The following PITPNM3 variants were observed in gnomAD, a reference collection of about 807,000 sequenced individuals.
PITPNM3 encodes PITPNM family member 3, also known as membrane-associated phosphatidylinositol transfer protein 3.
Under a neutral mutation model 102.0 loss-of-function variants are expected in PITPNM3, and 26 were observed. The observed-to-expected ratio is 0.25, with a 90% CI of 0.19 to 0.35. PITPNM3 has a LOEUF of 0.35. Among genes scored for constraint, PITPNM3 ranks in the 10% least tolerant of loss-of-function variants. The pLI is 1.00. For synonymous variants in PITPNM3, 578 were observed against 558.6 expected, an observed-to-expected ratio of 1.03 and a Z score of -0.49; for missense variants, 1,083 against 1,346.1, an observed-to-expected ratio of 0.80 and a Z score of 3.06.
chr17:6,513,972 G>A (rs1908007771), intron 3 of PITPNM3, among the ~76,000 whole-genome samples: 1 of 152,160 alleles, frequency 6.6e-6, no homozygotes, highest in African/African-American at 2.4e-5. Context: ...AAACCCATAT[G>A]TCTATGATCT....
intron 10 of PITPNM3, among the ~76,000 whole-genome samples, chr17:6,473,372 GTCC>G (rs1192023156): frequency 1.3e-5 from 2 of 152,086 alleles, no homozygotes; most frequent in African/African-American, 4.8e-5. Flanking sequence ...GGGCCTCCCT[GTCC>G]TCCTAGAACA....
At chr17:6,518,684 T>A (rs1327880652) in intron 3 of PITPNM3, among the ~76,000 whole-genome samples, 1 of 152,204 alleles carries the variant, frequency 6.6e-6, no homozygotes, top group African/African-American at 2.4e-5. Context: ...GTAAGAGCTA[T>A]TTCTTTGAAA....
intron 14 of PITPNM3, among the ~76,000 whole-genome samples, chr17:6,466,677 A>G (rs1233485460): frequency 7.9e-5 from 12 of 152,170 alleles, no homozygotes; most frequent in African/African-American, 2.9e-4. Context: ...TGTGGAAAAC[A>G]GTCTGGCAGT....
At chr17:6,505,243 C>T (rs1907430412) in intron 3 of PITPNM3, among the ~76,000 whole-genome samples, 1 of 146,870 alleles carries the variant, frequency 6.8e-6, no homozygotes, top group Admixed American at 6.8e-5. Context: ...CAGTCAGGCA[C>T]AAAACAGGTG....
Position 6,455,112 on chromosome 17 carries a change from G to C in PITPNM3, c.*226C>G. The C allele has an allele frequency of 1.7e-6, 1 of 571,572 alleles. No homozygotes were observed. 35.4% of individuals were successfully genotyped at this position (571,572 alleles called of 1,614,324 possible). On this transcript the variant is annotated 3_prime_UTR_variant, in exon 20 of 20. Coordinates refer to ENST00000262483, the MANE Select transcript of PITPNM3 (RefSeq NM_031220.4). ...TGGGCTTGCGGTCGCAGGCCCGTGG[G>C]AGGCAGCAGTGGCTGCACCGAGATC...
intron 1 of PITPNM3, among the ~76,000 whole-genome samples, chr17:6,548,394 C>A (rs1421707642): frequency 6.6e-6 from 1 of 152,042 alleles, no homozygotes; most frequent in Non-Finnish European, 1.5e-5. Context: ...ACACACACAC[C>A]CGAACTGGGC....
intron 1 of PITPNM3, among the ~76,000 whole-genome samples, chr17:6,543,358 A>ACAGACAGG (rs1477154816): frequency 3.3e-5 from 5 of 152,194 alleles, no homozygotes; most frequent in Admixed American, 2.6e-4. Flanking sequence ...GGACAGAGAG[A>ACAGACAGG]CAGACAGGCA....
At position 6,457,308 on chromosome 17, in the gene PITPNM3, C is replaced by T. The variant is rs1211719768; in HGVS notation, c.2619+286G>A. ...AGGGCCCCACAGTTCCCTGTGCTCC[C>T]GTCATACATCATGGCACTTGTTACA... On this transcript the variant is annotated intron_variant, in intron 19 of 19. Transcript: ENST00000262483. The surrounding 1 kb of genome is among the most constrained non-coding windows in gnomAD (Gnocchi z 4.7). Among the ~76,000 whole-genome samples the T allele has an allele frequency of 1.3e-5, 2 of 152,176 alleles. No individual in the cohort carries two copies. The highest frequency in any genetic ancestry group is 1.9e-4 in the East Asian group (1 of 5,186).
At chr17:6,513,600 C>A (rs929452911) in intron 3 of PITPNM3, among the ~76,000 whole-genome samples, 2 of 152,100 alleles carry the variant, frequency 1.3e-5, no homozygotes, top group African/African-American at 4.8e-5. Flanking sequence ...AAAACAGGTG[C>A]AAGACTTGTA....
At chr17:6,456,217 G>A (rs549584664) in intron 19 of PITPNM3, among the ~76,000 whole-genome samples, 14 of 152,128 alleles carry the variant, frequency 9.2e-5, no homozygotes, top group African/African-American at 2.2e-4. Context: ...TAGAAACAGC[G>A]TCTTGCTATG....
In PITPNM3 at chr17:6,469,526, G is replaced by A. The variant is rs73975553; in HGVS notation, c.1773+734C>T. Reference sequence around the variant, plus strand: ...TAGTCACTCAAGTGGGAAACAGGACGTACTGGGCTCCCGTCTTTCTCCTAC... The same window carrying A: ...TAGTCACTCAAGTGGGAAACAGGACATACTGGGCTCCCGTCTTTCTCCTAC... On this transcript the variant is annotated intron_variant, in intron 13 of 19. Transcript: ENST00000262483. The surrounding 1 kb of genome is among the most constrained non-coding windows in gnomAD (Gnocchi z 4.0). Among the ~76,000 whole-genome samples, 6,764 of 152,168 alleles carry A rather than the reference G, an allele frequency of 0.044. 511 individuals are homozygous for A. The highest frequency in any genetic ancestry group is 0.15 in the African/African-American group (6,389 of 41,484).
intron 4 of PITPNM3, among the ~76,000 whole-genome samples, chr17:6,499,125 C>G (rs1208350505): frequency 6.6e-6 from 1 of 151,998 alleles, no homozygotes; most frequent in Non-Finnish European, 1.5e-5. Flanking sequence ...TTCTCTGGAC[C>G]CCCACCAAGC....
chr17:6,461,245 A>G (rs1430083792), intron 18 of PITPNM3, 128 bp downstream of exon 18: 6 of 1,170,118 alleles, frequency 5.1e-6, no homozygotes, highest in Non-Finnish European at 2.5e-6. Context: ...GCCCATCCAG[A>G]TCCACGGGAA....
chr17:6,527,500 A>C (rs1885590953), intron 2 of PITPNM3, among the ~76,000 whole-genome samples: 1 of 152,182 alleles, frequency 6.6e-6, no homozygotes, highest in Non-Finnish European at 1.5e-5. Flanking sequence ...CACCACCACC[A>C]GTAGGAGCAT....
At chr17:6,544,085 C>T (rs865888424) in intron 1 of PITPNM3, among the ~76,000 whole-genome samples, 4 of 152,186 alleles carry the variant, frequency 2.6e-5, no homozygotes, top group Middle Eastern at 3.2e-3. Flanking sequence ...TGCCCCTGAG[C>T]GAGGCCCTGG....
chr17:6,462,260 C>T (rs1394955180), intron 17 of PITPNM3, among the ~76,000 whole-genome samples: 1 of 152,146 alleles, frequency 6.6e-6, no homozygotes, highest in African/African-American at 2.4e-5. Context: ...CATGGTGATT[C>T]CTGTACATCG....
intron 3 of PITPNM3, among the ~76,000 whole-genome samples, chr17:6,511,756 G>A (rs901730151): frequency 6.6e-6 from 1 of 152,124 alleles, no homozygotes; most frequent in Non-Finnish European, 1.5e-5. Flanking sequence ...GGCCGAGGTG[G>A]GTGGATCATG....
Position 6,451,672 on chromosome 17 carries a change from G to A in PITPNM3, c.*3666C>T, listed in dbSNP as rs1428321475. On this transcript the variant is annotated 3_prime_UTR_variant, in exon 20 of 20. Coordinates refer to ENST00000262483, the MANE Select transcript of PITPNM3 (RefSeq NM_031220.4). Reference sequence around the variant, plus strand: ...TCTCCTTTGCCCCAAAGAGGGTGGAGTCAAATGCAGATTTTCCTCCCAACT... The same window carrying A: ...TCTCCTTTGCCCCAAAGAGGGTGGAATCAAATGCAGATTTTCCTCCCAACT... 1 of 152,236 alleles carries A rather than the reference G, an allele frequency of 6.6e-6. No homozygotes were observed. The highest frequency in any genetic ancestry group is 1.9e-4 in the East Asian group (1 of 5,192). 9.4% of individuals were successfully genotyped at this position (152,236 alleles called of 1,614,324 possible). A position where few individuals can be genotyped will look rare whatever the true frequency, so the allele number is the denominator to read the frequency against.
chr17:6,537,822 C>CT lies in PITPNM3; in HGVS notation c.118+164dup, dbSNP rs1909522652. 6.6e-6 allele frequency among the ~76,000 whole-genome samples: 1 copy of CT among 152,216 alleles called. No homozygotes were observed. The highest frequency in any genetic ancestry group is 2.1e-4 in the South Asian group (1 of 4,836). On this transcript the variant is annotated intron_variant, in intron 2 of 19. Coordinates refer to ENST00000262483, the MANE Select transcript of PITPNM3 (RefSeq NM_031220.4). The surrounding 1 kb of genome is among the most constrained non-coding windows in gnomAD (Gnocchi z 4.4). ...ATTTCAAACAGTGAACAGACGAAGG[C>CT]TGAGCCCCTGCTCTTGGCACATCCA...
Sources: gnomAD v4.1 joint callset for allele counts (sites outside exome capture counted in the v4.1 genomes callset) on GRCh38, gnomAD v4.1.1 for gene constraint, Gnocchi (gnomAD v3.1) non-coding constraint, MANE v1.5 for transcripts, NCBI Gene and HGNC (gene_info 2026-07-23, HGNC 2026-07-21) for gene names.